Variants in CDH13 observed in about 807,000 individuals in gnomAD.
The protein encoded by CDH13 is cadherin 13.
In CDH13, 24 loss-of-function variants were observed where a neutral mutation model predicts 63.8. The ratio of observed to expected loss-of-function variants is 0.38; its 90% CI spans 0.27 to 0.53. The LOEUF (loss-of-function observed/expected upper bound fraction) is 0.53, where lower values mean the gene tolerates loss of function less well. Among genes scored for constraint, CDH13 ranks in the 20% least tolerant of loss-of-function variants. The probability of loss-of-function intolerance (pLI) is 0.85; values close to 1 mark genes in which losing one functional copy is unlikely to be tolerated. For synonymous variants in CDH13, 503 were observed against 355.3 expected (o/e 1.42, Z -4.67); for missense variants, 1,049 against 903.1 (o/e 1.16, Z -2.07).
chr16:82,664,640 C>T (rs994072245), intron 1 of CDH13, among the ~76,000 whole-genome samples: 1 of 152,170 alleles, frequency 6.6e-6, no homozygotes, highest in Non-Finnish European at 1.5e-5. Context: ...CAGCCTTATT[C>T]TCTAGATGTG....
At chr16:83,636,341 G>C (rs368224023) in intron 8 of CDH13, among the ~76,000 whole-genome samples, 3 of 152,002 alleles carry the variant, frequency 2.0e-5, no homozygotes, top group African/African-American at 7.3e-5. Context: ...AGGAATACAT[G>C]TGCAGGTTTG....
At chr16:83,142,542 A>G (rs980738239) in intron 4 of CDH13, among the ~76,000 whole-genome samples, 6 of 152,062 alleles carry the variant, frequency 3.9e-5, no homozygotes, top group African/African-American at 7.2e-5. Flanking sequence ...GCTTTCCTCA[A>G]TTCCCCAAAC....
intron 4 of CDH13, among the ~76,000 whole-genome samples, chr16:83,154,555 C>T (rs2037127325): frequency 1.4e-5 from 2 of 146,974 alleles, no homozygotes; most frequent in African/African-American, 5.2e-5. Flanking sequence ...GACAGAGAGA[C>T]TCCATCTCAA....
At chr16:83,051,175 T>G (rs1298776322) in intron 3 of CDH13, among the ~76,000 whole-genome samples, 1 of 152,236 alleles carries the variant, frequency 6.6e-6, no homozygotes, top group African/African-American at 2.4e-5. Flanking sequence ...TTCCCATGCT[T>G]ACTGAGCCAC....
intron 3 of CDH13, among the ~76,000 whole-genome samples, chr16:83,036,598 G>T (rs1490163543): frequency 1.3e-5 from 2 of 152,106 alleles, no homozygotes; most frequent in Non-Finnish European, 2.9e-5. Flanking sequence ...CCAGCTCAGT[G>T]CCCTTCCCAC....
At chr16:83,487,039 G>A (rs1336070995) in intron 7 of CDH13, among the ~76,000 whole-genome samples, 1 of 152,106 alleles carries the variant, frequency 6.6e-6, no homozygotes, top group South Asian at 2.1e-4. Flanking sequence ...GATCACACAG[G>A]CTGTCCTTGT....
chr16:83,376,524 C>T lies in CDH13; in HGVS notation c.781+31518C>T, dbSNP rs117476950. Among the ~76,000 whole-genome samples the T allele has an allele frequency of 6.5e-3, 993 of 152,104 alleles. 4 individuals are homozygous for T. The highest frequency in any genetic ancestry group is 0.01 in the Middle Eastern group (3 of 294). On this transcript the variant is annotated intron_variant, in intron 6 of 13. Coordinates refer to ENST00000567109, the MANE Select transcript of CDH13 (RefSeq NM_001257.5). ...GCTCTTGATGAGTTTTGAGTAAAAACGACATGGACACATTTTCATTAGAAA... is the reference window on the plus strand; with the variant it reads ...GCTCTTGATGAGTTTTGAGTAAAAATGACATGGACACATTTTCATTAGAAA...
chr16:83,458,076 G>A (rs1042792015), intron 6 of CDH13, among the ~76,000 whole-genome samples: 2 of 152,188 alleles, frequency 1.3e-5, no homozygotes, highest in East Asian at 1.9e-4. Flanking sequence ...ACCCACTGTC[G>A]CCATTACAGA....
chr16:83,332,713 G>T (rs116487646), intron 5 of CDH13, among the ~76,000 whole-genome samples: 1 of 152,094 alleles, frequency 6.6e-6, no homozygotes, highest in Non-Finnish European at 1.5e-5. Flanking sequence ...TTTTTAGCCT[G>T]TGTCACCTCT....
At chr16:82,726,789 T>C (rs2033121773) in intron 1 of CDH13, among the ~76,000 whole-genome samples, 1 of 152,234 alleles carries the variant, frequency 6.6e-6, no homozygotes, top group African/African-American at 2.4e-5. Flanking sequence ...TTTATTGTTT[T>C]CATTGAATTA....
chr16:83,726,701 G>T (rs1393267841), intron 10 of CDH13, among the ~76,000 whole-genome samples: 1 of 152,174 alleles, frequency 6.6e-6, no homozygotes, highest in Non-Finnish European at 1.5e-5. Context: ...AGCCGAGCGT[G>T]GAGGCGGGCC....
chr16:83,279,297 G>A (rs58357142), intron 5 of CDH13, among the ~76,000 whole-genome samples: 2,196 of 152,102 alleles, frequency 0.014, 54 homozygotes, highest in African/African-American at 0.046. Context: ...TTTCATCCCC[G>A]AGGATTTGTT....
intron 5 of CDH13, among the ~76,000 whole-genome samples, chr16:83,258,345 G>A (rs964585859): frequency 5.9e-5 from 9 of 152,148 alleles, no homozygotes; most frequent in African/African-American, 2.2e-4. Context: ...AACAGTCCTG[G>A]TTCCTGCTTA....
At chr16:83,186,020 C>T (rs2038506443) in intron 4 of CDH13, among the ~76,000 whole-genome samples, 3 of 151,856 alleles carry the variant, frequency 2.0e-5, no homozygotes, top group Admixed American at 1.3e-4. Flanking sequence ...TGATAAACAG[C>T]ATTTAGTCAT....
intron 5 of CDH13, among the ~76,000 whole-genome samples, chr16:83,231,700 A>G (rs2040001345): frequency 6.6e-6 from 1 of 152,172 alleles, no homozygotes; most frequent in Admixed American, 6.5e-5. Context: ...GTGGCCTGCA[A>G]AGCCAAAAGG....
At chr16:83,514,194 C>G (rs540610100) in intron 7 of CDH13, among the ~76,000 whole-genome samples, 5 of 152,264 alleles carry the variant, frequency 3.3e-5, no homozygotes, top group East Asian at 3.9e-4. Flanking sequence ...TGCAATAAAT[C>G]CCATTATCAC....
intron 4 of CDH13, chr16:83,180,968 C>G (rs771223284): frequency 1.3e-6 from 2 of 1,531,696 alleles, no homozygotes; most frequent in Admixed American, 2.0e-5. Context: ...AATGAACATC[C>G]TATTTGGCGA....
chr16:83,731,316 G>A (rs71404106), intron 10 of CDH13, among the ~76,000 whole-genome samples: 9,733 of 132,536 alleles, frequency 0.073, 359 homozygotes, highest in Middle Eastern at 0.13. Flanking sequence ...CTGTAACCTG[G>A]GCAGCATCTG....
chr16:83,597,513 C>A (rs1907382115), intron 7 of CDH13, among the ~76,000 whole-genome samples: 1 of 152,132 alleles, frequency 6.6e-6, no homozygotes. Context: ...AAGGAGATAA[C>A]TATCAATATT....
Sources: gnomAD v4.1 joint callset for allele counts (sites outside exome capture counted in the v4.1 genomes callset) on GRCh38, gnomAD v4.1.1 for gene constraint, MANE v1.5 for transcripts, NCBI Gene and HGNC (gene_info 2026-07-23, HGNC 2026-07-21) for gene names.